Variants in LMOD1 observed in about 807,000 individuals in gnomAD.
LMOD1 encodes leiomodin-1.
In LMOD1, 8 loss-of-function variants were observed where a neutral mutation model predicts 36.5. That is an observed-to-expected ratio of 0.22 (90% CI 0.13 to 0.40). The LOEUF is 0.40. Ranked by LOEUF, LMOD1 falls within the 10% of genes least tolerant of loss-of-function variation. The pLI, the probability that LMOD1 is intolerant of heterozygous loss-of-function variation, is 1.00. For synonymous variants in LMOD1, 284 were observed against 288.7 expected, an observed-to-expected ratio of 0.98 and a Z score of 0.17; for missense variants, 630 against 751.1, an observed-to-expected ratio of 0.84 and a Z score of 1.88.
At chr1:201,924,636 TAAAGAAAGAAAGAGAGAAAGAAAGAAAAA>T (rs1681781668) in intron 1 of LMOD1, among the ~76,000 whole-genome samples, 2 of 95,754 alleles carry the variant, frequency 2.1e-5, no homozygotes, top group African/African-American at 9.2e-5. Flanking sequence ...AAAGGAAGAA[TAAAGAAAGAAAGAGAGAAAGAAAGAAAAA>T]AAAGAAAGAA....
chr1:201,924,666 A>AAGAAAGAAAGAAAG (rs1681787810), intron 1 of LMOD1, among the ~76,000 whole-genome samples: 1 of 3,498 alleles, frequency 2.9e-4, no homozygotes, highest in African/African-American at 7.0e-4. Context: ...GAAAGAAAAA[A>AAGAAAGAAAGAAAG]AAGAAAGAAA....
At chr1:201,942,674 C>CT (rs201638308) in intron 1 of LMOD1, among the ~76,000 whole-genome samples, 82 of 144,920 alleles carry the variant, frequency 5.7e-4, no homozygotes, top group African/African-American at 1.5e-3. Flanking sequence ...TTCTTTCTTT[C>CT]TTTTTTTTTT....
At chr1:201,916,496 C>T (rs1355729976) in intron 1 of LMOD1, among the ~76,000 whole-genome samples, 1 of 149,756 alleles carries the variant, frequency 6.7e-6, no homozygotes, top group African/African-American at 2.4e-5. Flanking sequence ...GCCTGAGCAA[C>T]AGAGAGAGAC....
Position 201,898,210 on chromosome 1 carries a change from G to A in LMOD1, c.*162C>T, listed in dbSNP as rs1310229143. 1.4e-6 allele frequency: 1 copy of A among 711,184 alleles called. No individual in the cohort carries two copies. Among genetic ancestry groups the A allele is most frequent in the African/African-American group, 1.8e-5 (1 of 56,244 alleles). 44.1% of individuals were successfully genotyped at this position (711,184 alleles called of 1,614,324 possible). On this transcript the variant is annotated 3_prime_UTR_variant, in exon 3 of 3. Transcript: ENST00000367288. ...AGAAAAGGAAAGTGAGAAGAGATAA[G>A]GCATCCTTCCTTGAGCGTGACCCAG...
chr1:201,915,777 G>A (rs1681596779), intron 1 of LMOD1, among the ~76,000 whole-genome samples: 1 of 151,790 alleles, frequency 6.6e-6, no homozygotes, highest in African/African-American at 2.4e-5. Context: ...TGTTCCCTTG[G>A]TCCAGGCCAC....
rs529455604 is a variant in LMOD1 at position 201,910,680 on chromosome 1, CA to C, written c.262-9930del. Among the ~76,000 whole-genome samples the C allele has an allele frequency of 8.2e-5, 12 of 146,142 alleles. No homozygotes were observed. The South Asian group carries it at 2.7e-3, about 33-fold the overall frequency. ...ATTCACTACCTCTGGGCAGTGTGCTCAGGGGGAGTTACAGTTTCTGGGAGTC... is the reference window on the plus strand; with the variant it reads ...ATTCACTACCTCTGGGCAGTGTGCTCGGGGGAGTTACAGTTTCTGGGAGTC... On this transcript the variant is annotated intron_variant, in intron 1 of 2. Coordinates refer to ENST00000367288, the MANE Select transcript of LMOD1 (RefSeq NM_012134.3).
chr1:201,939,353 A>C (rs1303022320), intron 1 of LMOD1, among the ~76,000 whole-genome samples: 1 of 152,192 alleles, frequency 6.6e-6, no homozygotes. Flanking sequence ...TCAAGAAGCT[A>C]TGTTAATGAG....
Position 201,898,282 on chromosome 1 carries a change from C to A in LMOD1, c.*90G>T. The A allele has an allele frequency of 7.3e-7, 1 of 1,377,456 alleles. No homozygotes were observed. 85.3% of individuals were successfully genotyped at this position (1,377,456 alleles called of 1,614,324 possible). A position where few individuals can be genotyped will look rare whatever the true frequency, so the allele number is the denominator to read the frequency against. The stretch of plus-strand genomic sequence containing the variant: ...AATAGGGACATCCACAGCAGGTCAG[C>A]CAGGGATGGGGTGGGCAGGGTCTGT... On this transcript the variant is annotated 3_prime_UTR_variant, in exon 3 of 3. Transcript: ENST00000367288.
intron 1 of LMOD1, among the ~76,000 whole-genome samples, chr1:201,913,024 C>T (rs1034295418): frequency 6.6e-6 from 1 of 152,178 alleles, no homozygotes; most frequent in African/African-American, 2.4e-5. Flanking sequence ...CAAGGCAGGC[C>T]AGCTCCCAGA....
At chr1:201,916,648 G>A (rs553878810) in intron 1 of LMOD1, among the ~76,000 whole-genome samples, 70 of 152,334 alleles carry the variant, frequency 4.6e-4, no homozygotes, top group Non-Finnish European at 6.0e-4. Context: ...GCATCAGGCC[G>A]TGGTGTGGGG....
intron 1 of LMOD1, among the ~76,000 whole-genome samples, chr1:201,930,609 T>G (rs997636006): frequency 3.3e-5 from 5 of 152,140 alleles, no homozygotes; most frequent in Non-Finnish European, 5.9e-5. Flanking sequence ...TTTGAGACAC[T>G]TGAGGTGTCC....
intron 1 of LMOD1, among the ~76,000 whole-genome samples, chr1:201,901,814 A>C (rs910366146): frequency 1.4e-5 from 2 of 148,084 alleles, no homozygotes; most frequent in African/African-American, 5.0e-5. Flanking sequence ...CCTGCTTTTA[A>C]GGAGTAGGCC....
In LMOD1 at chr1:201,901,656, A is replaced by ATG. The variant is rs1268576666; in HGVS notation, c.262-907_262-906dup. On this transcript the variant is annotated intron_variant, in intron 1 of 2. Transcript: ENST00000367288. The stretch of plus-strand genomic sequence containing the variant: ...TATATATATATATATATACATATAT[A>ATG]TGTGTATATATATATATACACATAT... 1.0e-3 allele frequency among the ~76,000 whole-genome samples: 81 copies of ATG among 79,276 alleles called. 2 individuals carry two copies. The highest frequency in any genetic ancestry group is 1.7e-3 in the Admixed American group (10 of 5,902). The allele number at this position is 79,276 out of a possible 152,430, so 52.0% of individuals were successfully genotyped here. A position where few individuals can be genotyped will look rare whatever the true frequency, so the allele number is the denominator to read the frequency against.
intron 1 of LMOD1, among the ~76,000 whole-genome samples, chr1:201,941,970 G>A (rs962880441): frequency 1.3e-5 from 2 of 152,188 alleles, no homozygotes; most frequent in African/African-American, 4.8e-5. Flanking sequence ...GTTGGGATCC[G>A]GTTCCTGAAA....
In LMOD1 at chr1:201,945,973, T is replaced by G. The variant is rs905525189; in HGVS notation, c.261+107A>C. 8 of 1,138,098 alleles carry G rather than the reference T, an allele frequency of 7.0e-6. No homozygotes were observed. The African/African-American group carries it at 1.1e-4, about 15-fold the overall frequency. 70.5% of individuals were successfully genotyped at this position (1,138,098 alleles called of 1,614,324 possible). On this transcript the variant is annotated intron_variant, in intron 1 of 2. Transcript: ENST00000367288. ...TCAGTTCTGAAGCATTAAAATCCTT[T>G]GCCAACAAGAACGTTTCTTCTAAGG...
At chr1:201,911,448 T>G (rs1217330552) in intron 1 of LMOD1, among the ~76,000 whole-genome samples, 1 of 152,122 alleles carries the variant, frequency 6.6e-6, no homozygotes, top group Non-Finnish European at 1.5e-5. Context: ...GCGGATCACT[T>G]GAGGTCAGGA....
chr1:201,930,550 A>G (rs1355711914), intron 1 of LMOD1, among the ~76,000 whole-genome samples: 1 of 152,162 alleles, frequency 6.6e-6, no homozygotes, highest in Non-Finnish European at 1.5e-5. Flanking sequence ...AAACAGGTTT[A>G]GGGGTGGGGT....
At chr1:201,930,587 A>T (rs773756933) in intron 1 of LMOD1, among the ~76,000 whole-genome samples, 1 of 152,170 alleles carries the variant, frequency 6.6e-6, no homozygotes, top group Non-Finnish European at 1.5e-5. Flanking sequence ...ATTTATTTGC[A>T]GACCAGTTGA....
intron 1 of LMOD1, among the ~76,000 whole-genome samples, chr1:201,906,495 T>C (rs1231900530): frequency 6.6e-6 from 1 of 152,016 alleles, no homozygotes; most frequent in Admixed American, 6.5e-5. Context: ...GCCAGTCTCA[T>C]CTATCTTTAC....
Sources: gnomAD v4.1 joint callset for allele counts (sites outside exome capture counted in the v4.1 genomes callset) on GRCh38, gnomAD v4.1.1 for gene constraint, MANE v1.5 for transcripts, NCBI Gene and HGNC (gene_info 2026-07-23, HGNC 2026-07-21) for gene names.